SAMD12: variants seen among roughly 807,000 people sequenced by gnomAD.
SAMD12 encodes the protein sterile alpha motif domain-containing protein 12.
A neutral mutation model predicts 15.0 loss-of-function variants in SAMD12; 9 were observed. The ratio of observed to expected loss-of-function variants is 0.60; its 90% CI spans 0.36 to 1.05. The LOEUF is 1.05. SAMD12 is among the 50% of genes least tolerant of loss of function. The pLI, the probability that SAMD12 is intolerant of heterozygous loss-of-function variation, is 0.01. For missense variants in SAMD12, 230 were observed against 234.2 expected (o/e 0.98, Z 0.12); for synonymous variants, 86 against 90.1 (o/e 0.96, Z 0.25).
At chr8:118,426,070 A>C (rs903799322) in intron 3 of SAMD12, among the ~76,000 whole-genome samples, 1 of 152,306 alleles carries the variant, frequency 6.6e-6, no homozygotes, top group Admixed American at 6.5e-5. Flanking sequence ...CTTTTCTATA[A>C]AATATTTCAC....
At chr8:118,535,822 C>T (rs1342451054) in intron 2 of SAMD12, among the ~76,000 whole-genome samples, 1 of 152,178 alleles carries the variant, frequency 6.6e-6, no homozygotes, top group Non-Finnish European at 1.5e-5. Context: ...GTTGGAGTGA[C>T]CCGATTTTCC....
intron 2 of SAMD12, among the ~76,000 whole-genome samples, chr8:118,558,900 G>A (rs1826626232): frequency 6.6e-6 from 1 of 152,162 alleles, no homozygotes; most frequent in Non-Finnish European, 1.5e-5. Flanking sequence ...CAGGCTTGAG[G>A]CTCAAGTGCT....
At chr8:118,540,380 C>T (rs991611137) in intron 2 of SAMD12, among the ~76,000 whole-genome samples, 1 of 152,160 alleles carries the variant, frequency 6.6e-6, no homozygotes, top group South Asian at 2.1e-4. Flanking sequence ...TTTTCCTGAG[C>T]AGATTCAAGG....
intron 2 of SAMD12, among the ~76,000 whole-genome samples, chr8:118,449,085 T>G (rs1234644721): frequency 6.9e-6 from 1 of 144,180 alleles, no homozygotes; most frequent in Non-Finnish European, 1.5e-5. Flanking sequence ...TTTTTTGAGA[T>G]GGAGTCTTGC....
At chr8:118,340,913 G>C (rs1276974513) in intron 4 of SAMD12, among the ~76,000 whole-genome samples, 4 of 152,204 alleles carry the variant, frequency 2.6e-5, no homozygotes, top group African/African-American at 9.7e-5. Context: ...GATCAGAACA[G>C]AGCGCACTGG....
chr8:118,487,365 G>T (rs1419277209), intron 2 of SAMD12, among the ~76,000 whole-genome samples: 1 of 152,178 alleles, frequency 6.6e-6, no homozygotes. Flanking sequence ...AATAAGCAAA[G>T]ACCAGGACCA....
At chr8:118,163,326 T>G in the SAMD12 span, among the ~76,000 whole-genome samples, 3 of 152,186 alleles carry the variant, frequency 2.0e-5, no homozygotes. Flanking sequence ...GCAATCCTCC[T>G]GCTTCAGCCT....
the SAMD12 span, among the ~76,000 whole-genome samples, chr8:118,180,249 T>C: frequency 1.3e-5 from 2 of 152,240 alleles, no homozygotes; most frequent in Non-Finnish European, 2.9e-5. Context: ...CCAGGCGAGA[T>C]GAGAGGCTGA....
At chr8:118,268,727 T>A (rs28505920) in intron 4 of SAMD12, among the ~76,000 whole-genome samples, 18,571 of 152,228 alleles carry the variant, frequency 0.12, 1,382 homozygotes, top group Middle Eastern at 0.18. Context: ...GGCATGAGAA[T>A]CACTTGAACG....
intron 4 of SAMD12, among the ~76,000 whole-genome samples, chr8:118,364,022 T>C (rs537820344): frequency 6.6e-6 from 1 of 152,360 alleles, no homozygotes; most frequent in South Asian, 2.1e-4. Context: ...TAATGTTAGA[T>C]ATTAATAATT....
intron 4 of SAMD12, among the ~76,000 whole-genome samples, chr8:118,368,318 CAGA>C (rs1554643515): frequency 6.6e-6 from 1 of 152,160 alleles, no homozygotes; most frequent in Non-Finnish European, 1.5e-5. Flanking sequence ...ACCCTAGCTA[CAGA>C]AGAATAATCT....
chr8:118,464,548 T>C (rs186447292), intron 2 of SAMD12, among the ~76,000 whole-genome samples: 3 of 152,322 alleles, frequency 2.0e-5, no homozygotes, highest in Non-Finnish European at 4.4e-5. Context: ...ATGCTGACTA[T>C]TTCACTAAGA....
At chr8:118,348,662 G>A (rs577965097) in intron 4 of SAMD12, among the ~76,000 whole-genome samples, 62 of 152,300 alleles carry the variant, frequency 4.1e-4, no homozygotes, top group Non-Finnish European at 6.0e-4. Context: ...GTGAGCCACC[G>A]CACCCGGCCC....
At chr8:118,561,148 A>T (rs1826688348) in intron 2 of SAMD12, among the ~76,000 whole-genome samples, 1 of 152,188 alleles carries the variant, frequency 6.6e-6, no homozygotes, top group Non-Finnish European at 1.5e-5. Context: ...TGCAAAACAA[A>T]AACAGAAGGA....
chr8:118,480,064 G>A (rs1824082622), intron 2 of SAMD12, among the ~76,000 whole-genome samples: 1 of 152,192 alleles, frequency 6.6e-6, no homozygotes, highest in Admixed American at 6.5e-5. Flanking sequence ...ATGCGCTTTT[G>A]GAAAACTTCA....
chr8:118,467,426 AT>A (rs1480805983), intron 2 of SAMD12, among the ~76,000 whole-genome samples: 26 of 152,152 alleles, frequency 1.7e-4, no homozygotes, highest in African/African-American at 6.0e-4. Flanking sequence ...ATGAATGTTT[AT>A]TTTTATTATT....
intron 4 of SAMD12, among the ~76,000 whole-genome samples, chr8:118,266,952 A>C (rs1813217547): frequency 6.6e-6 from 1 of 152,136 alleles, no homozygotes; most frequent in Non-Finnish European, 1.5e-5. Flanking sequence ...AATACATTGC[A>C]TCCTTGGGAA....
chr8:118,616,043 C>T (rs1295760181), intron 1 of SAMD12, among the ~76,000 whole-genome samples: 2 of 152,104 alleles, frequency 1.3e-5, no homozygotes, highest in Non-Finnish European at 2.9e-5. Flanking sequence ...AATAGAAACT[C>T]TGGTGCAGGA....
intron 4 of SAMD12, among the ~76,000 whole-genome samples, chr8:118,372,508 A>G (rs970401121): frequency 6.6e-6 from 1 of 150,486 alleles, no homozygotes; most frequent in Admixed American, 6.7e-5. Context: ...TTTTTCCACC[A>G]TCTTAAGAAT....
Sources: gnomAD v4.1 joint callset for allele counts (sites outside exome capture counted in the v4.1 genomes callset) on GRCh38, gnomAD v4.1.1 for gene constraint, MANE v1.5 for transcripts, NCBI Gene and HGNC (gene_info 2026-07-23, HGNC 2026-07-21) for gene names.